ZNF227: variants seen among roughly 807,000 people sequenced by gnomAD.
The protein encoded by ZNF227 is zinc finger protein 227.
A neutral mutation model predicts 13.2 loss-of-function variants in ZNF227; 12 were observed. The observed-to-expected ratio is 0.91, with a 90% CI of 0.58 to 1.47. The LOEUF (loss-of-function observed/expected upper bound fraction) is 1.47. Ranked by LOEUF, ZNF227 falls within the 40% of genes most tolerant of loss-of-function variation. ZNF227 has a pLI of 0.00. For synonymous variants in ZNF227, 338 were observed against 326.0 expected (o/e 1.04, Z -0.40); for missense variants, 885 against 967.5 (o/e 0.91, Z 1.13).
chr19:44,215,939 G>A lies in ZNF227; in HGVS notation c.-2-1852G>A, dbSNP rs529200617. Among the ~76,000 whole-genome samples, 3 of 131,926 alleles carry A rather than the reference G, an allele frequency of 2.3e-5. No homozygotes were observed. The East Asian group carries it at 7.3e-4, about 32-fold the overall frequency. The allele number at this position is 131,926 out of a possible 152,430, so 86.5% of individuals were successfully genotyped here. A position where few individuals can be genotyped will look rare whatever the true frequency, so the allele number is the denominator to read the frequency against. ...GGAGGCAGAGGTTGCAGTGAGCTGA[G>A]ATTGTGCCATTGCACTCCAGCCTGG... On this transcript the variant is annotated intron_variant, in intron 2 of 5. Coordinates refer to ENST00000313040, the MANE Select transcript of ZNF227 (RefSeq NM_182490.3).
chr19:44,208,236 A>G (rs1971256876), upstream of ZNF227, among the ~76,000 whole-genome samples: 1 of 152,154 alleles, frequency 6.6e-6, no homozygotes, highest in African/African-American at 2.4e-5. Flanking sequence ...AAGATTAATG[A>G]TTTTTCAATA....
At position 44,237,260 on chromosome 19, in the gene ZNF227, T is replaced by A. The variant is rs1421143484; in HGVS notation, c.*430T>A. 6.2e-6 allele frequency: 1 copy of A among 160,542 alleles called. No homozygotes were observed. Among genetic ancestry groups the A allele is most frequent in the Non-Finnish European group, 1.4e-5 (1 of 73,204 alleles). 9.9% of individuals were successfully genotyped at this position (160,542 alleles called of 1,614,324 possible). ...GAAAAATGAATAAAATTACTAAAAA[T>A]TTTCTGTAGCTAAGGACTCATGATT... On this transcript the variant is annotated 3_prime_UTR_variant, in exon 6 of 6. Transcript: ENST00000313040.
chr19:44,235,616 C>T lies in ZNF227; in HGVS notation c.1186C>T (p.Arg396Cys), dbSNP rs754012306. The T allele has an allele frequency of 6.8e-6, 11 of 1,613,698 alleles. No homozygotes were observed. Among genetic ancestry groups the T allele is most frequent in the African/African-American group, 2.7e-5 (2 of 74,790 alleles). Residue 396 changes from arginine to cysteine, a missense_variant, in exon 6 of 6, where the codon CGT (arginine) becomes TGT (cysteine). Coordinates refer to ENST00000313040, the MANE Select transcript of ZNF227 (RefSeq NM_182490.3). Reference sequence around the variant, plus strand: ...GGGCTTCGGTTGGAGTGTTAATCTCCGTGTTCACCAGAGGGTCCACAGGGG... The same window carrying T: ...GGGCTTCGGTTGGAGTGTTAATCTCTGTGTTCACCAGAGGGTCCACAGGGG... ...GKGFGWSVNLRVHQRVHRGEK... is the reference protein window; with the variant it reads ...GKGFGWSVNLCVHQRVHRGEK...
chr19:44,224,938 C>A (rs1179918992), intron 3 of ZNF227, among the ~76,000 whole-genome samples: 1 of 151,882 alleles, frequency 6.6e-6, no homozygotes, highest in African/African-American at 2.4e-5. Flanking sequence ...GTGCTTCCTT[C>A]AGGAGGTCTT....
At chr19:44,223,384 C>T (rs1379632900) in intron 3 of ZNF227, among the ~76,000 whole-genome samples, 1 of 152,162 alleles carries the variant, frequency 6.6e-6, no homozygotes, top group Admixed American at 6.5e-5. Context: ...GCTGTGAATC[C>T]ATCTGGTCCT....
rs758341914 is a variant in ZNF227, at chr19:44,229,723, A to ATTT, written c.188-8_188-6dup. The ATTT allele has an allele frequency of 1.3e-6, 2 of 1,551,976 alleles. No homozygotes were observed. Among genetic ancestry groups the ATTT allele is most frequent in the Non-Finnish European group, 1.7e-6 (2 of 1,143,358 alleles). ...TCATCTTAAATACATAAAAATCTAC[A>ATTT]TTTTCATAGGGCATCTTCCCTTCCA... On this transcript the variant is annotated splice_polypyrimidine_tract_variant and intron_variant, in intron 4 of 5. Coordinates refer to ENST00000313040, the MANE Select transcript of ZNF227 (RefSeq NM_182490.3).
intron 5 of ZNF227, among the ~76,000 whole-genome samples, chr19:44,230,908 CAAAAA>C (rs561975781): frequency 3.7e-4 from 21 of 57,108 alleles, no homozygotes; most frequent in East Asian, 1.9e-3. Flanking sequence ...TCCATCTCTA[CAAAAA>C]AAAAAAAAAA....
upstream of ZNF227, among the ~76,000 whole-genome samples, chr19:44,210,665 A>G (rs767934596): frequency 2.0e-4 from 31 of 152,240 alleles, no homozygotes; most frequent in Non-Finnish European, 4.4e-4. Context: ...TTGTAGGAGT[A>G]CAAGTAATCC....
intron 4 of ZNF227, among the ~76,000 whole-genome samples, chr19:44,229,333 C>T (rs375377284): frequency 4.6e-5 from 7 of 152,168 alleles, no homozygotes; most frequent in South Asian, 2.1e-4. Flanking sequence ...CTCTAGAGGC[C>T]GGGCATGGTG....
In ZNF227 at chr19:44,234,923, G is replaced by A. The variant is rs765070662; in HGVS notation, c.493G>A (p.Glu165Lys). The change falls in exon 6 of 6, where the codon GAA (glutamate) becomes AAA (lysine). Residue 165 changes from glutamate (E) to lysine (K), a missense_variant. By Grantham distance (56) the Glu-to-Lys change is moderately conservative. Coordinates refer to ENST00000313040, the MANE Select transcript of ZNF227 (RefSeq NM_182490.3). ...TAAAGGAGATAGCTCTATTTATATT[G>A]AAAATCAAGAGTTTCCATTTTGGAG... is the stretch of plus-strand genomic sequence containing the variant. ...NPKGDSSIYI[E>K]NQEFPFWRTQ... 16 of 1,612,900 alleles carry A rather than the reference G, an allele frequency of 9.9e-6. No individual in the cohort carries two copies. Among genetic ancestry groups the A allele is most frequent in the Non-Finnish European group, 1.4e-5 (16 of 1,179,780 alleles).
At chr19:44,231,389 G>A (rs374328729) in intron 5 of ZNF227, among the ~76,000 whole-genome samples, 224 of 151,844 alleles carry the variant, frequency 1.5e-3, no homozygotes, top group African/African-American at 5.0e-3. Context: ...AGGCTGGAGT[G>A]CAGTGGCATG....
At chr19:44,209,519 T>G (rs879425805), upstream of ZNF227, among the ~76,000 whole-genome samples, 1 of 152,226 alleles carries the variant, frequency 6.6e-6, no homozygotes, top group Non-Finnish European at 1.5e-5. Context: ...AAGGAATAGT[T>G]ATGAATTTGG....
At position 44,235,221 on chromosome 19, in the gene ZNF227, G is replaced by A; in HGVS notation, c.791G>A (p.Arg264Lys). 1 of 1,613,950 alleles carries A rather than the reference G, an allele frequency of 6.2e-7. No individual in the cohort carries two copies. The highest frequency in any genetic ancestry group is 1.7e-4 in the Middle Eastern group (1 of 6,060). Reference protein sequence around the residue: ...ECGRGFSYSPRLPLHPNVHTG... With the variant: ...ECGRGFSYSPKLPLHPNVHTG... ...GGAAGGGGCTTCAGTTATAGCCCAA[G>A]GCTTCCCCTTCATCCGAATGTTCAT... The change falls in exon 6 of 6, where the codon AGG (arginine) becomes AAG (lysine). Residue 264 changes from arginine to lysine, a missense_variant. By Grantham distance (26) the Arg-to-Lys change is conservative. Coordinates refer to ENST00000313040, the MANE Select transcript of ZNF227 (RefSeq NM_182490.3).
chr19:44,225,301 C>G (rs567903306), intron 3 of ZNF227, among the ~76,000 whole-genome samples: 48 of 151,968 alleles, frequency 3.2e-4, no homozygotes, highest in African/African-American at 1.1e-3. Flanking sequence ...TTTCCTGAAT[C>G]TGAATGTTGG....
At chr19:44,230,945 A>ATC (rs1568610048) in intron 5 of ZNF227, among the ~76,000 whole-genome samples, 2 of 135,682 alleles carry the variant, frequency 1.5e-5, no homozygotes, top group South Asian at 2.2e-4. Context: ...ATATATATAT[A>ATC]TATATATATC....
At chr19:44,230,637 A>G (rs1240654534) in intron 5 of ZNF227, among the ~76,000 whole-genome samples, 1 of 152,038 alleles carries the variant, frequency 6.6e-6, no homozygotes, top group East Asian at 1.9e-4. Context: ...ATGTTATATC[A>G]TTAGAGAGGC....
At chr19:44,215,586 G>A (rs913083844) in intron 2 of ZNF227, among the ~76,000 whole-genome samples, 3 of 151,424 alleles carry the variant, frequency 2.0e-5, no homozygotes, top group African/African-American at 7.3e-5. Context: ...GAGTTTATAT[G>A]GTTTTGTGTC....
chr19:44,228,736 C>A, intron 4 of ZNF227, 164 bp downstream of exon 4: 1 of 854,760 alleles, frequency 1.2e-6, no homozygotes, highest in Non-Finnish European at 1.6e-6. Flanking sequence ...TCTTTCTGCT[C>A]AGGCAAAATT....
chr19:44,226,807 C>T (rs549567099), intron 3 of ZNF227, among the ~76,000 whole-genome samples: 1 of 152,262 alleles, frequency 6.6e-6, no homozygotes, highest in South Asian at 2.1e-4. Flanking sequence ...TCTGGCACTC[C>T]CTAGTGAGAT....
Sources: gnomAD v4.1 joint callset for allele counts (sites outside exome capture counted in the v4.1 genomes callset) on GRCh38, gnomAD v4.1.1 for gene constraint, MANE v1.5 for transcripts, NCBI Gene and HGNC (gene_info 2026-07-23, HGNC 2026-07-21) for gene names.